IQCM: variants seen among roughly 807,000 people sequenced by gnomAD.
IQCM encodes the protein IQ motif containing M.
Under a neutral mutation model 57.6 loss-of-function variants are expected in IQCM, and 45 were observed. The ratio of observed to expected loss-of-function variants is 0.78; its 90% CI spans 0.62 to 1.00. IQCM has a LOEUF of 1.00. Among genes scored for constraint, IQCM ranks in the 50% least tolerant of loss-of-function variants. The pLI is 0.00. For missense variants in IQCM, 468 were observed against 511.6 expected (o/e 0.91, Z 0.82); for synonymous variants, 148 against 158.9 (o/e 0.93, Z 0.51).
At chr4:149,550,606 C>G (rs906187970) in intron 11 of IQCM, among the ~76,000 whole-genome samples, 11 of 152,050 alleles carry the variant, frequency 7.2e-5, no homozygotes, top group Admixed American at 2.0e-4. Flanking sequence ...CAGCAACATG[C>G]AAGGATAATT....
intron 5 of IQCM, among the ~76,000 whole-genome samples, chr4:149,728,684 T>C (rs938034443): frequency 7.2e-5 from 11 of 152,226 alleles, no homozygotes; most frequent in African/African-American, 2.2e-4. Context: ...ATCTATCACA[T>C]AGCCCCATCT....
chr4:149,655,335 A>G (rs913901039), intron 7 of IQCM, among the ~76,000 whole-genome samples: 3 of 152,170 alleles, frequency 2.0e-5, no homozygotes, highest in African/African-American at 4.8e-5. Context: ...TAATGGATTT[A>G]AAACTCTTTT....
chr4:149,495,942 A>G (rs1412157171), intron 12 of IQCM, among the ~76,000 whole-genome samples: 2 of 152,156 alleles, frequency 1.3e-5, no homozygotes, highest in Non-Finnish European at 2.9e-5. Flanking sequence ...CCTTACTTAC[A>G]TGATCTCTGA....
chr4:149,417,179 A>G (rs1289178971), intron 13 of IQCM, among the ~76,000 whole-genome samples: 1 of 152,146 alleles, frequency 6.6e-6, no homozygotes, highest in African/African-American at 2.4e-5. Context: ...CAAGATTGCA[A>G]AGTTGCATAA....
intron 12 of IQCM, among the ~76,000 whole-genome samples, chr4:149,536,442 T>A (rs1747304539): frequency 6.6e-6 from 1 of 152,018 alleles, no homozygotes; most frequent in African/African-American, 2.4e-5. Context: ...ATCTCTCTTC[T>A]ATGTGTTAAA....
chr4:149,704,240 A>T (rs1763986760), intron 5 of IQCM, among the ~76,000 whole-genome samples: 1 of 151,978 alleles, frequency 6.6e-6, no homozygotes, highest in African/African-American at 2.4e-5. Flanking sequence ...TAGAAAAAAT[A>T]TAAATAGAAG....
intron 5 of IQCM, among the ~76,000 whole-genome samples, chr4:149,692,501 A>G (rs1392383320): frequency 6.6e-6 from 1 of 152,186 alleles, no homozygotes; most frequent in African/African-American, 2.4e-5. Context: ...TTTTAGAGAA[A>G]AAAAACTGTT....
chr4:149,670,021 T>C (rs1261364326), intron 7 of IQCM, among the ~76,000 whole-genome samples: 1 of 152,190 alleles, frequency 6.6e-6, no homozygotes, highest in Non-Finnish European at 1.5e-5. Context: ...AAGAAAGTCA[T>C]TGGTAGCTTG....
At chr4:149,490,496 A>G (rs1322134421) in intron 12 of IQCM, among the ~76,000 whole-genome samples, 2 of 152,086 alleles carry the variant, frequency 1.3e-5, no homozygotes, top group Non-Finnish European at 2.9e-5. Flanking sequence ...AAAATAAAAA[A>G]CATACTATGA....
At chr4:149,671,411 A>C (rs1252406142) in intron 7 of IQCM, among the ~76,000 whole-genome samples, 2 of 151,858 alleles carry the variant, frequency 1.3e-5, no homozygotes, top group Non-Finnish European at 2.9e-5. Flanking sequence ...AATTGTGTTG[A>C]TCTTCTCAAA....
rs1031607794 is a variant in IQCM at position 149,352,576 on chromosome 4, T to C, written c.1391-510A>G. Among the ~76,000 whole-genome samples the C allele has an allele frequency of 9.8e-5, 15 of 152,310 alleles. No individual in the cohort carries two copies. The East Asian group carries it at 2.1e-3, about 22-fold the overall frequency. ...TATGCAAATACTACCCCATTTTATA[T>C]AAAGGACTTAAGCATCTGTGGATTC... On this transcript the variant is annotated intron_variant, in intron 13 of 13. Transcript: ENST00000636793.
intron 11 of IQCM, among the ~76,000 whole-genome samples, chr4:149,552,905 A>G (rs1004414800): frequency 1.3e-5 from 2 of 152,226 alleles, no homozygotes; most frequent in Non-Finnish European, 2.9e-5. Flanking sequence ...CTATCTTTGC[A>G]ATATTCTCCT....
intron 12 of IQCM, among the ~76,000 whole-genome samples, chr4:149,488,297 C>A (rs1444306377): frequency 6.6e-6 from 1 of 151,960 alleles, no homozygotes; most frequent in African/African-American, 2.4e-5. Context: ...TGAATCAGTA[C>A]TGTGAGGAAT....
At chr4:149,742,505 G>C in intron 3 of IQCM, 150 bp downstream of exon 3, 1 of 433,082 alleles carries the variant, frequency 2.3e-6, no homozygotes, top group Admixed American at 4.4e-5. Context: ...CTCAAAAGTT[G>C]GTTATTTTTA....
chr4:149,801,165 T>C (rs1218150416), intron 2 of IQCM, among the ~76,000 whole-genome samples: 1 of 151,694 alleles, frequency 6.6e-6, no homozygotes, highest in Non-Finnish European at 1.5e-5. Flanking sequence ...ATCAGAGAAA[T>C]GCAAATCAAA....
intron 13 of IQCM, among the ~76,000 whole-genome samples, chr4:149,395,204 A>G (rs1010872733): frequency 6.6e-6 from 1 of 152,052 alleles, no homozygotes; most frequent in Non-Finnish European, 1.5e-5. Context: ...TTCCTCTAGG[A>G]AACACATGGC....
intron 7 of IQCM, among the ~76,000 whole-genome samples, chr4:149,677,220 C>A (rs1248343490): frequency 6.6e-6 from 1 of 152,076 alleles, no homozygotes; most frequent in Non-Finnish European, 1.5e-5. Flanking sequence ...GGAGAAATAT[C>A]CCTGAGGACA....
chr4:149,508,922 T>C (rs907793337), intron 12 of IQCM, among the ~76,000 whole-genome samples: 1 of 152,190 alleles, frequency 6.6e-6, no homozygotes, highest in African/African-American at 2.4e-5. Context: ...CTCATGATAG[T>C]GAATAAGTCT....
At chr4:149,660,725 C>G (rs1236655695) in intron 7 of IQCM, among the ~76,000 whole-genome samples, 2 of 151,834 alleles carry the variant, frequency 1.3e-5, no homozygotes, top group Non-Finnish European at 2.9e-5. Context: ...AGTAAACTAT[C>G]GCAAGGACAA....
Sources: allele counts gnomAD v4.1 joint callset (sites outside exome capture counted in the v4.1 genomes callset), GRCh38; gene constraint gnomAD v4.1.1; transcripts MANE v1.5; gene names NCBI Gene and HGNC (gene_info 2026-07-23, HGNC 2026-07-21).